Variants in CHP1 observed in about 807,000 individuals in gnomAD.
The protein encoded by CHP1 is calcineurin B homologous protein 1.
In CHP1, 11 loss-of-function variants were observed where a neutral mutation model predicts 27.4. The ratio of observed to expected loss-of-function variants is 0.40; its 90% CI spans 0.25 to 0.67. The LOEUF (loss-of-function observed/expected upper bound fraction) is 0.67. CHP1 is among the 30% of genes least tolerant of loss of function. The pLI is 0.38. For missense variants in CHP1, 169 were observed against 251.3 expected, an observed-to-expected ratio of 0.67 and a Z score of 2.22; for synonymous variants, 89 against 87.4, an observed-to-expected ratio of 1.02 and a Z score of -0.10.
In CHP1 at chr15:41,279,410, G is replaced by A; in HGVS notation, c.*21G>A. ...ACTAAAGGAGACCAAACTGTTCCTT[G>A]CGGTCTAGTATTTAAGAACTGGAAC... On this transcript the variant is annotated 3_prime_UTR_variant, in exon 7 of 7. Coordinates refer to ENST00000334660, the MANE Select transcript of CHP1 (RefSeq NM_007236.5). The A allele has an allele frequency of 6.2e-7, 1 of 1,607,042 alleles. No individual in the cohort carries two copies. The highest frequency in any genetic ancestry group is 8.5e-7 in the Non-Finnish European group (1 of 1,175,162).
At chr15:41,270,325 A>T (rs1051836445) in intron 4 of CHP1, among the ~76,000 whole-genome samples, 1 of 152,146 alleles carries the variant, frequency 6.6e-6, no homozygotes, top group African/African-American at 2.4e-5. Flanking sequence ...TCTTTGTATG[A>T]AGTTTTCTGA....
chr15:41,261,887 G>A lies in CHP1; in HGVS notation c.222-869G>A, dbSNP rs183683304. ...CATGCCTGTAATCCCAGCTACTCCA[G>A]AGGCTGGGGCAGGAGAATCGCTTGA... On this transcript the variant is annotated intron_variant, in intron 3 of 6. Coordinates refer to ENST00000334660, the MANE Select transcript of CHP1 (RefSeq NM_007236.5). Among the ~76,000 whole-genome samples the A allele has an allele frequency of 3.3e-5, 5 of 152,070 alleles. No individual in the cohort carries two copies. In the East Asian group the frequency reaches 9.7e-4, roughly 29 times the overall value.
intron 3 of CHP1, among the ~76,000 whole-genome samples, chr15:41,259,503 C>T (rs1323467245): frequency 6.7e-6 from 1 of 148,940 alleles, no homozygotes; most frequent in Non-Finnish European, 1.5e-5. Context: ...TTCTTTCTTC[C>T]CTAGGCATAT....
chr15:41,246,416 T>TGTAGCCTGC (rs1595473124), intron 2 of CHP1, among the ~76,000 whole-genome samples: 2 of 150,684 alleles, frequency 1.3e-5, no homozygotes, highest in East Asian at 4.0e-4. Flanking sequence ...GCCTCCCGGG[T>TGTAGCCTGC]TCAAGTGATT....
rs561252564 is a variant in CHP1, at chr15:41,262,830, G to A, written c.296G>A (p.Ser99Asn). Reference protein sequence around the residue: ...HFRPIEDNEKSKDVNGPEPLN... With the variant: ...HFRPIEDNEKNKDVNGPEPLN... The stretch of plus-strand genomic sequence containing the variant: ...CGCCCCATTGAGGATAATGAAAAGA[G>A]CAAAGATGTGAATGGACCCGAACCA... Residue 99 changes from serine to asparagine, a missense_variant, in exon 4 of 7, where the codon AGC becomes AAC. By Grantham distance (46) the Ser-to-Asn change is conservative. Transcript: ENST00000334660. 65 of 1,614,096 alleles carry A rather than the reference G, an allele frequency of 4.0e-5. 1 individual carries two copies. The South Asian group carries it at 6.8e-4, about 17-fold the overall frequency.
intron 5 of CHP1, among the ~76,000 whole-genome samples, chr15:41,276,464 T>G (rs2047520059): frequency 6.6e-6 from 1 of 152,188 alleles, no homozygotes; most frequent in South Asian, 2.1e-4. Context: ...CTTTCCATAT[T>G]GCCTGACAGT....
At chr15:41,241,219 C>T (rs913780253) in intron 1 of CHP1, among the ~76,000 whole-genome samples, 2 of 152,206 alleles carry the variant, frequency 1.3e-5, no homozygotes, top group Non-Finnish European at 2.9e-5. Flanking sequence ...CAAGAATAGC[C>T]TTTGAGGCCT....
intron 4 of CHP1, among the ~76,000 whole-genome samples, chr15:41,268,833 G>A (rs2047474826): frequency 6.6e-6 from 1 of 151,458 alleles, no homozygotes; most frequent in East Asian, 2.0e-4. Flanking sequence ...GGTGGTGGGC[G>A]CCTGTAGTCC....
intron 5 of CHP1, among the ~76,000 whole-genome samples, chr15:41,274,544 T>C (rs531058155): frequency 5.3e-5 from 8 of 152,230 alleles, no homozygotes; most frequent in Non-Finnish European, 7.4e-5. Flanking sequence ...TGGGACTACA[T>C]GCATGTGTCA....
intron 1 of CHP1, among the ~76,000 whole-genome samples, chr15:41,235,244 C>T (rs1429492769): frequency 2.0e-5 from 3 of 150,536 alleles, no homozygotes; most frequent in African/African-American, 5.0e-5. Flanking sequence ...TGAGGCCAGG[C>T]GCAGTGGCTC....
chr15:41,246,478 C>T (rs1428100663), intron 2 of CHP1, among the ~76,000 whole-genome samples: 1 of 151,418 alleles, frequency 6.6e-6, no homozygotes, highest in Non-Finnish European at 1.5e-5. Flanking sequence ...TGACACCACG[C>T]CCTGCTAATT....
chr15:41,277,883 G>A (rs562948283), intron 5 of CHP1, among the ~76,000 whole-genome samples: 22 of 151,660 alleles, frequency 1.5e-4, no homozygotes, highest in African/African-American at 4.4e-4. Flanking sequence ...CTTGAGCTTC[G>A]GAGGTGAGGC....
chr15:41,247,862 G>C (rs981070625), intron 2 of CHP1, among the ~76,000 whole-genome samples: 1 of 151,580 alleles, frequency 6.6e-6, no homozygotes, highest in African/African-American at 2.4e-5. Context: ...CCAGCTACTC[G>C]GGAGGCTGAG....
rs377655359 is a variant in CHP1, at chr15:41,243,639, G to C, written c.68-28G>C. On this transcript the variant is annotated intron_variant, in intron 1 of 6. Coordinates refer to ENST00000334660, the MANE Select transcript of CHP1 (RefSeq NM_007236.5). ...AGTGTGAATGAGGGCTACTTCCCCC[G>C]AGCTGGGACTAATTTTGTGCTCTTT... 8.1e-6 allele frequency: 13 copies of C among 1,608,412 alleles called. No homozygotes were observed. In the South Asian group the frequency reaches 9.9e-5, roughly 12 times the overall value.
At chr15:41,262,920 T>G in intron 4 of CHP1, 37 bp downstream of exon 4, 1 of 1,608,018 alleles carries the variant, frequency 6.2e-7, no homozygotes, top group Non-Finnish European at 8.5e-7. Context: ...AAATACTTGC[T>G]TTTCATTTCT....
chr15:41,269,916 C>G (rs974866461), intron 4 of CHP1, among the ~76,000 whole-genome samples: 1 of 152,132 alleles, frequency 6.6e-6, no homozygotes, highest in Non-Finnish European at 1.5e-5. Flanking sequence ...AGCAACATGG[C>G]AGAAATCTAA....
chr15:41,240,923 G>A lies in CHP1; in HGVS notation c.68-2744G>A, dbSNP rs190736807. On this transcript the variant is annotated intron_variant, in intron 1 of 6. Transcript: ENST00000334660. ...TCTGGAGTGCAGTGACGTGATCTCC[G>A]CTCACTGCAACCTTCGCCTCCCTGG... 1.1e-3 allele frequency among the ~76,000 whole-genome samples: 170 copies of A among 150,528 alleles called. 2 individuals are homozygous for A. The highest frequency in any genetic ancestry group is 3.8e-3 in the African/African-American group (156 of 40,834).
chr15:41,260,367 G>C (rs1277068146), intron 3 of CHP1, among the ~76,000 whole-genome samples: 1 of 151,184 alleles, frequency 6.6e-6, no homozygotes, highest in Non-Finnish European at 1.5e-5. Context: ...TACCAAAAAG[G>C]CTTTATACAC....
At chr15:41,253,595 C>T (rs1262838260) in intron 2 of CHP1, among the ~76,000 whole-genome samples, 1 of 151,690 alleles carries the variant, frequency 6.6e-6, no homozygotes, top group African/African-American at 2.4e-5. Flanking sequence ...GCTGGGACTA[C>T]AGGTGCCCGT....
Sources: allele counts gnomAD v4.1 joint callset (sites outside exome capture counted in the v4.1 genomes callset), GRCh38; gene constraint gnomAD v4.1.1; transcripts MANE v1.5; gene names NCBI Gene and HGNC (gene_info 2026-07-23, HGNC 2026-07-21).